Variants in LRRC7 observed in about 807,000 individuals in gnomAD.
LRRC7 encodes leucine-rich repeat-containing protein 7.
LRRC7 carries 23 observed loss-of-function variants against 175.7 expected under a neutral mutation model. The ratio of observed to expected loss-of-function variants is 0.13; its 90% CI spans 0.09 to 0.19. The LOEUF is 0.19. Among genes scored for constraint, LRRC7 ranks in the 10% least tolerant of loss-of-function variants. The pLI is 1.00. For missense variants in LRRC7, 1,354 were observed against 1,904.7 expected, an observed-to-expected ratio of 0.71 and a Z score of 5.38; for synonymous variants, 685 against 680.9, an observed-to-expected ratio of 1.01 and a Z score of -0.09.
intron 12 of LRRC7, among the ~76,000 whole-genome samples, chr1:70,012,509 A>T (rs1289107220): frequency 6.6e-6 from 1 of 151,892 alleles, no homozygotes; most frequent in Non-Finnish European, 1.5e-5. Flanking sequence ...GCAACAATAA[A>T]CAACATATAA....
intron 1 of LRRC7, among the ~76,000 whole-genome samples, chr1:69,615,548 A>C (rs1474916498): frequency 6.6e-6 from 1 of 152,110 alleles, no homozygotes. Context: ...AATTCTAATC[A>C]TGTGAGAAAA....
At chr1:70,020,694 A>C (rs17131126) in intron 15 of LRRC7, 249 of 163,968 alleles carry the variant, frequency 1.5e-3, no homozygotes, top group African/African-American at 5.7e-3. Context: ...TAACGCTTTA[A>C]AATGCTTGGT....
chr1:70,133,647 A>G lies in LRRC7; in HGVS notation c.*11760A>G, dbSNP rs1048022024. ...TTTGAGCTTATTTTAGGCAGTTTAT[A>G]TGTTTTTTTACTAAACCTCTCAGAT... On this transcript the variant is annotated 3_prime_UTR_variant, in exon 27 of 27. Coordinates refer to ENST00000651989, the MANE Select transcript of LRRC7 (RefSeq NM_001370785.2). 6.6e-6 allele frequency among the ~76,000 whole-genome samples: 1 copy of G among 152,210 alleles called. No individual in the cohort carries two copies. Among genetic ancestry groups the G allele is most frequent in the Non-Finnish European group, 1.5e-5 (1 of 68,032 alleles).
At chr1:69,598,716 A>T (rs1005587380) in intron 1 of LRRC7, among the ~76,000 whole-genome samples, 1 of 152,198 alleles carries the variant, frequency 6.6e-6, no homozygotes, top group African/African-American at 2.4e-5. Flanking sequence ...TGACCCATAA[A>T]TTTAACCATC....
chr1:69,660,690 G>A (rs1397761640), intron 1 of LRRC7, among the ~76,000 whole-genome samples: 9 of 152,166 alleles, frequency 5.9e-5, no homozygotes, highest in Non-Finnish European at 7.4e-5. Context: ...GGAGAATATT[G>A]TCTATGCTCA....
chr1:69,843,187 A>G (rs895446425), intron 7 of LRRC7, among the ~76,000 whole-genome samples: 1 of 151,992 alleles, frequency 6.6e-6, no homozygotes, highest in Non-Finnish European at 1.5e-5. Context: ...GTGAGACTCC[A>G]TCTCAAAACA....
intron 23 of LRRC7, among the ~76,000 whole-genome samples, chr1:70,062,132 A>C (rs548910376): frequency 6.6e-6 from 1 of 152,096 alleles, no homozygotes; most frequent in Non-Finnish European, 1.5e-5. Context: ...TATATTAGTG[A>C]TATATTAAGA....
chr1:69,658,241 A>T, intron 1 of LRRC7, among the ~76,000 whole-genome samples: 1 of 150,932 alleles, frequency 6.6e-6, no homozygotes, highest in Non-Finnish European at 1.5e-5. Flanking sequence ...TTAGTATAAC[A>T]TATTTTAAAT....
At chr1:69,801,069 C>T (rs1569979466) in intron 4 of LRRC7, among the ~76,000 whole-genome samples, 2 of 151,310 alleles carry the variant, frequency 1.3e-5, no homozygotes, top group African/African-American at 4.8e-5. Flanking sequence ...CATCTTCACA[C>T]ACTTTGAATA....
intron 2 of LRRC7, among the ~76,000 whole-genome samples, chr1:69,741,417 C>A (rs898752735): frequency 6.6e-6 from 1 of 150,470 alleles, no homozygotes; most frequent in African/African-American, 2.5e-5. Context: ...TAATCTAAGA[C>A]GTGAAATAGT....
At chr1:69,822,986 A>G (rs12075955) in intron 4 of LRRC7, among the ~76,000 whole-genome samples, 6,008 of 152,276 alleles carry the variant, frequency 0.039, 200 homozygotes, top group African/African-American at 0.085. Flanking sequence ...TTGGTGGTGT[A>G]TAGGATTTTA....
chr1:70,077,205 C>T lies in LRRC7; in HGVS notation c.4452+907C>T, dbSNP rs541654169. 8.3e-4 allele frequency among the ~76,000 whole-genome samples: 126 copies of T among 152,198 alleles called. 1 individual carries two copies. In the South Asian group the frequency reaches 0.013, roughly 16 times the overall value. On this transcript the variant is annotated intron_variant, in intron 24 of 26. Coordinates refer to ENST00000651989, the MANE Select transcript of LRRC7 (RefSeq NM_001370785.2). ...CTTTATATTGTTAAGAGCCATTTAT[C>T]ATTTGGATTCCAAGGGCTTTAAACA...
intron 1 of LRRC7, among the ~76,000 whole-genome samples, chr1:69,659,956 T>C (rs1041350435): frequency 7.2e-6 from 1 of 139,262 alleles, no homozygotes; most frequent in Admixed American, 7.3e-5. Flanking sequence ...GATAGTAGAC[T>C]TAAATTCAAG....
chr1:69,569,192 T>G (rs1437906162), intron 1 of LRRC7, among the ~76,000 whole-genome samples: 4 of 150,504 alleles, frequency 2.7e-5, no homozygotes, highest in African/African-American at 7.4e-5. Flanking sequence ...TTTATGTGAT[T>G]GGGATTGAAG....
At chr1:69,696,832 C>T (rs145386123) in intron 2 of LRRC7, among the ~76,000 whole-genome samples, 3 of 152,296 alleles carry the variant, frequency 2.0e-5, no homozygotes, top group Non-Finnish European at 4.4e-5. Context: ...TTATAAGCTT[C>T]CTTAAGACCT....
intron 1 of LRRC7, among the ~76,000 whole-genome samples, chr1:69,621,511 C>T (rs908569917): frequency 9.2e-5 from 14 of 152,138 alleles, no homozygotes; most frequent in African/African-American, 3.4e-4. Context: ...GACTCAGATG[C>T]ATATAGGAGA....
At chr1:69,934,992 C>CT (rs1412531991) in intron 8 of LRRC7, among the ~76,000 whole-genome samples, 1 of 152,088 alleles carries the variant, frequency 6.6e-6, no homozygotes, top group Non-Finnish European at 1.5e-5. Context: ...GCAAAACGTG[C>CT]TTTTTTGTAA....
In LRRC7 at chr1:70,001,784, G is replaced by C. The variant is rs1407547046; in HGVS notation, c.1004+7151G>C. On this transcript the variant is annotated intron_variant, in intron 11 of 26. Transcript: ENST00000651989. ...TGCCTGGGAGTTTCAGCAGCTCTAA[G>C]AGTTGAATATCAAATAATAATGAGC... Among the ~76,000 whole-genome samples the C allele has an allele frequency of 5.3e-5, 8 of 152,272 alleles. No homozygotes were observed. The East Asian group carries it at 1.5e-3, about 29-fold the overall frequency.
In LRRC7 at chr1:69,967,739, C is replaced by G. The variant is rs1485520051; in HGVS notation, c.712-12640C>G. Among the ~76,000 whole-genome samples, 3 of 152,078 alleles carry G rather than the reference C, an allele frequency of 2.0e-5. No homozygotes were observed. The East Asian group carries it at 5.8e-4, about 29-fold the overall frequency. On this transcript the variant is annotated intron_variant, in intron 8 of 26. Coordinates refer to ENST00000651989, the MANE Select transcript of LRRC7 (RefSeq NM_001370785.2). ...AGCTCAGCTCTCAGGAAGCCACATT[C>G]CTAGGGAAAGGAGGAGAGTACTACA...
Sources: allele counts gnomAD v4.1 joint callset (sites outside exome capture counted in the v4.1 genomes callset), GRCh38; gene constraint gnomAD v4.1.1; transcripts MANE v1.5; gene names NCBI Gene and HGNC (gene_info 2026-07-23, HGNC 2026-07-21).